Variants in IKBKB observed in about 807,000 individuals in gnomAD.
IKBKB encodes the protein inhibitor of nuclear factor kappa-B kinase subunit beta.
A neutral mutation model predicts 113.6 loss-of-function variants in IKBKB; 42 were observed. The ratio of observed to expected loss-of-function variants is 0.37; its 90% confidence interval spans 0.29 to 0.48. The LOEUF is 0.48. IKBKB is among the 20% of genes least tolerant of loss of function. The pLI, the probability that IKBKB is intolerant of heterozygous loss-of-function variation, is 0.99. For missense variants in IKBKB, 673 were observed against 939.7 expected (o/e 0.72, Z 3.71); for synonymous variants, 296 against 361.3 (o/e 0.82, Z 2.05).
chr8:42,272,127 G>A lies in IKBKB; in HGVS notation c.27G>A (p.Thr9=), dbSNP rs756486665. ...TGAGCTGGTCACCTTCCCTGACAAC[G>A]CAGACATGTGGGGCCTGGGAAATGA... MSWSPSLT[T]QTCGAWEMKE... is the part of the protein sequence containing the mutation. The change falls in exon 2 of 22, where the codon ACG becomes ACA. Residue 9 remains threonine, a synonymous_variant. Transcript: ENST00000520810. 3.7e-6 allele frequency: 6 copies of A among 1,613,974 alleles called. No homozygotes were observed. The African/African-American group carries it at 8.0e-5, about 22-fold the overall frequency.
chr8:42,301,675 C>T (rs1815234552), intron 5 of IKBKB, among the ~76,000 whole-genome samples: 2 of 152,194 alleles, frequency 1.3e-5, no homozygotes, highest in South Asian at 4.1e-4. Flanking sequence ...TTGTTTTGTA[C>T]AGTTGTTTAA....
At chr8:42,291,741 C>G (rs562168220) in intron 4 of IKBKB, among the ~76,000 whole-genome samples, 2 of 152,234 alleles carry the variant, frequency 1.3e-5, no homozygotes, top group South Asian at 2.1e-4. Flanking sequence ...GCCTGGGCAA[C>G]ATACCAAGGC....
Position 42,288,645 on chromosome 8 carries a change from G to A in IKBKB, c.117G>A (p.Glu39=). 1 of 1,610,384 alleles carries A rather than the reference G, an allele frequency of 6.2e-7. No individual in the cohort carries two copies. The part of the protein sequence containing the change: ...VIRWHNQETG[E]QIAIKQCRQE... Reference sequence around the variant, plus strand: ...TGCTGTTTCTGTAGGAAACAGGTGAGCAGATTGCCATCAAGCAGTGCCGGC... The same window carrying A: ...TGCTGTTTCTGTAGGAAACAGGTGAACAGATTGCCATCAAGCAGTGCCGGC... The change falls in exon 3 of 22, where the codon GAG becomes GAA. Residue 39 remains glutamate (E), a synonymous_variant. Coordinates refer to ENST00000520810, the MANE Select transcript of IKBKB (RefSeq NM_001556.3).
intron 2 of IKBKB, among the ~76,000 whole-genome samples, chr8:42,273,414 CAAA>C (rs1203960963): frequency 7.8e-6 from 1 of 128,042 alleles, no homozygotes; most frequent in Non-Finnish European, 1.5e-5. Context: ...GACCCTGTCT[CAAA>C]AAATATATAT....
In IKBKB at chr8:42,298,645, C is replaced by T. The variant is rs769117895; in HGVS notation, c.388+5133C>T. Among the ~76,000 whole-genome samples the T allele has an allele frequency of 5.9e-5, 9 of 152,224 alleles. 1 individual carries two copies. The highest frequency in any genetic ancestry group is 1.2e-4 in the Non-Finnish European group (8 of 68,038). On this transcript the variant is annotated intron_variant, in intron 5 of 21. Coordinates refer to ENST00000520810, the MANE Select transcript of IKBKB (RefSeq NM_001556.3). ...AATACAGTAACAATGAGAGAGAAGA[C>T]AGCAGGCCCTCAGTCATGGCTCCAC...
chr8:42,324,615 G>A (rs1170124961), intron 19 of IKBKB: 2 of 152,308 alleles, frequency 1.3e-5, no homozygotes, highest in Non-Finnish European at 1.5e-5. Flanking sequence ...CTTTTCCCTT[G>A]ATATTAAAGG....
intron 5 of IKBKB, among the ~76,000 whole-genome samples, chr8:42,302,699 A>G (rs1030223326): frequency 5.3e-5 from 8 of 152,116 alleles, no homozygotes; most frequent in Admixed American, 2.6e-4. Context: ...TATAAGGTAT[A>G]TATGAAACAA....
intron 7 of IKBKB, 143 bp downstream of exon 7, chr8:42,306,575 C>T (rs1277258700): frequency 1.6e-6 from 1 of 627,260 alleles, no homozygotes; most frequent in South Asian, 1.8e-5. Context: ...CACCCATAAC[C>T]TGGTCGAGTC....
chr8:42,303,755 C>T (rs1585687508), intron 5 of IKBKB, among the ~76,000 whole-genome samples: 1 of 152,344 alleles, frequency 6.6e-6, no homozygotes, highest in Middle Eastern at 3.4e-3. Flanking sequence ...GATTCGCCCA[C>T]GTTGGCCTCC....
In IKBKB at chr8:42,305,289, T is replaced by G. The variant is rs761852598; in HGVS notation, c.477+14T>G. ...GGAGAACAGAGGGTAAGTGACCTCC[T>G]GGGACTGGGAAAGCCTCAGGTGGGC... is the stretch of plus-strand genomic sequence containing the variant. On this transcript the variant is annotated intron_variant, in intron 6 of 21. Transcript: ENST00000520810. 1 of 1,576,576 alleles carries G rather than the reference T, an allele frequency of 6.3e-7. No homozygotes were observed. Among genetic ancestry groups the G allele is most frequent in the Non-Finnish European group, 8.7e-7 (1 of 1,146,220 alleles).
intron 2 of IKBKB, among the ~76,000 whole-genome samples, chr8:42,275,710 C>T (rs1199107300): frequency 6.6e-6 from 1 of 152,168 alleles, no homozygotes; most frequent in Non-Finnish European, 1.5e-5. Context: ...AGGTTGATTA[C>T]ATATTTTGGC....
In IKBKB at chr8:42,290,620, C is replaced by T. The variant is rs144826528; in HGVS notation, c.318+347C>T. The stretch of plus-strand genomic sequence containing the variant: ...TTCCTCCCTGGGCATGTTAGGGCCA[C>T]GTTAGGCCTTTGGTGCCAGTGCCAC... On this transcript the variant is annotated intron_variant, in intron 4 of 21. Coordinates refer to ENST00000520810, the MANE Select transcript of IKBKB (RefSeq NM_001556.3). 7.9e-5 allele frequency among the ~76,000 whole-genome samples: 12 copies of T among 152,330 alleles called. No individual in the cohort carries two copies. In the East Asian group the frequency reaches 1.7e-3, roughly 22 times the overall value.
chr8:42,289,132 G>A (rs950060532), intron 3 of IKBKB, among the ~76,000 whole-genome samples: 1 of 152,136 alleles, frequency 6.6e-6, no homozygotes, highest in Non-Finnish European at 1.5e-5. Context: ...GGAGAATGGC[G>A]TGAACCCAGG....
chr8:42,293,883 G>A (rs116209050), intron 5 of IKBKB, among the ~76,000 whole-genome samples: 11 of 152,302 alleles, frequency 7.2e-5, no homozygotes, highest in East Asian at 1.9e-4. Flanking sequence ...CCGCTCCCAC[G>A]TAGGCAGTTC....
At chr8:42,280,836 C>G (rs985689966) in intron 2 of IKBKB, among the ~76,000 whole-genome samples, 3 of 152,284 alleles carry the variant, frequency 2.0e-5, no homozygotes, top group East Asian at 1.9e-4. Context: ...CGGACCTGTA[C>G]TTGTCCCTTT....
chr8:42,311,860 C>T (rs1259972270), intron 8 of IKBKB, among the ~76,000 whole-genome samples: 1 of 152,124 alleles, frequency 6.6e-6, no homozygotes, highest in Non-Finnish European at 1.5e-5. Flanking sequence ...CTTTAAATTG[C>T]ATGTACATCT....
At chr8:42,317,945 A>T (rs905455139) in intron 12 of IKBKB, among the ~76,000 whole-genome samples, 174 bp downstream of exon 12, 1 of 152,074 alleles carries the variant, frequency 6.6e-6, no homozygotes, top group Non-Finnish European at 1.5e-5. Context: ...GGCAAGAGAG[A>T]GTACAGGAAA....
rs1048199826 is a variant in IKBKB, at chr8:42,293,054, G to A, written c.319-389G>A. Among the ~76,000 whole-genome samples, 6 of 152,140 alleles carry A rather than the reference G, an allele frequency of 3.9e-5. No homozygotes were observed. In the East Asian group the frequency reaches 5.8e-4, roughly 15 times the overall value. ...GCTAGGAGATGGCAGGGCGGTGGTC[G>A]GAGGGTGGTATCCAGTCATGCCCTC... On this transcript the variant is annotated intron_variant, in intron 4 of 21. Transcript: ENST00000520810.
chr8:42,325,927 A>T, intron 19 of IKBKB, 43 bp from the exon 20 acceptor site: 1 of 1,611,462 alleles, frequency 6.2e-7, no homozygotes, highest in Non-Finnish European at 8.5e-7. Flanking sequence ...GCAAAATGTG[A>T]TTCATCACTT....
Sources: gnomAD v4.1 joint callset for allele counts (sites outside exome capture counted in the v4.1 genomes callset) on GRCh38, gnomAD v4.1.1 for gene constraint, MANE v1.5 for transcripts, NCBI Gene and HGNC (gene_info 2026-07-23, HGNC 2026-07-21) for gene names.